Variants in LAMA3 observed in about 807,000 individuals in gnomAD.
LAMA3 encodes the protein laminin subunit alpha-3.
A neutral mutation model predicts 402.0 loss-of-function variants in LAMA3; 281 were observed. That is an observed-to-expected ratio of 0.70 (90% confidence interval 0.63 to 0.77). The LOEUF (loss-of-function observed/expected upper bound fraction) is 0.77, where lower values mean the gene tolerates loss of function less well. Ranked by LOEUF, LAMA3 falls within the 30% of genes least tolerant of loss-of-function variation. The pLI is 0.00. For missense variants in LAMA3, 3,840 were observed against 4,215.5 expected, an observed-to-expected ratio of 0.91 and a Z score of 2.47; for synonymous variants, 1,431 against 1,558.4, an observed-to-expected ratio of 0.92 and a Z score of 1.93.
At chr18:23,808,631 C>G (rs2063009705) in intron 12 of LAMA3, among the ~76,000 whole-genome samples, 1 of 152,212 alleles carries the variant, frequency 6.6e-6, no homozygotes, top group Admixed American at 6.5e-5. Context: ...GTCACATAGC[C>G]TGTTGAAACT....
At chr18:23,915,517 A>G (rs1356695725) in intron 59 of LAMA3, 95 bp downstream of exon 59, 18 of 1,231,562 alleles carry the variant, frequency 1.5e-5, no homozygotes, top group Non-Finnish European at 2.1e-5. Context: ...GTGAGATGCT[A>G]TTGATGTTGC....
chr18:23,901,620 A>G (rs2081073926), intron 48 of LAMA3, among the ~76,000 whole-genome samples: 1 of 152,222 alleles, frequency 6.6e-6, no homozygotes, highest in African/African-American at 2.4e-5. Context: ...TGAGAAATTA[A>G]TATTGCTATA....
chr18:23,746,591 A>G (rs1355507331), intron 2 of LAMA3, among the ~76,000 whole-genome samples: 7 of 152,176 alleles, frequency 4.6e-5, no homozygotes, highest in African/African-American at 1.7e-4. Flanking sequence ...CAAAAATTTC[A>G]TGTTTTAGAA....
intron 36 of LAMA3, among the ~76,000 whole-genome samples, chr18:23,865,877 C>G (rs8096915): frequency 0.089 from 13,608 of 152,216 alleles, 673 homozygotes; most frequent in East Asian, 0.2. Context: ...TCATTGAAAA[C>G]AAGTCTGGAA....
chr18:23,842,919 A>C (rs1430351972), intron 29 of LAMA3, among the ~76,000 whole-genome samples, 169 bp downstream of exon 29: 2 of 152,106 alleles, frequency 1.3e-5, no homozygotes, highest in African/African-American at 4.8e-5. Context: ...TAAATAAATA[A>C]AGCATGTGAC....
At position 23,899,286 on chromosome 18, in the gene LAMA3, A is replaced by G; in HGVS notation, c.5837-2A>G. 6.2e-7 allele frequency: 1 copy of G among 1,613,092 alleles called. No homozygotes were observed. Among genetic ancestry groups the G allele is most frequent in the Non-Finnish European group, 8.5e-7 (1 of 1,179,620 alleles). ...TCTAATAGACCACTTGATGTTTCCT[A>G]GTTCTTTTAAAGCAGATCTCTGGGA... On this transcript the variant is annotated splice_acceptor_variant, in intron 46 of 74. Transcript: ENST00000313654. LOFTEE classifies it high-confidence loss of function.
chr18:23,767,324 TTCTA>T (rs2062096156), intron 8 of LAMA3, among the ~76,000 whole-genome samples: 1 of 152,166 alleles, frequency 6.6e-6, no homozygotes, highest in South Asian at 2.1e-4. Flanking sequence ...TCAACGCTAT[TTCTA>T]TCTATGTCAT....
chr18:23,743,911 C>T (rs2061604950), intron 2 of LAMA3, among the ~76,000 whole-genome samples: 1 of 152,186 alleles, frequency 6.6e-6, no homozygotes, highest in Non-Finnish European at 1.5e-5. Context: ...TTTCTAGTCT[C>T]ACAGAGGGTC....
chr18:23,794,201 C>T (rs576931257), intron 12 of LAMA3, among the ~76,000 whole-genome samples: 1 of 152,328 alleles, frequency 6.6e-6, no homozygotes, highest in African/African-American at 2.4e-5. Flanking sequence ...ACTTGACCCT[C>T]TCTGGGGAGA....
At chr18:23,747,741 A>G (rs1408929453) in intron 2 of LAMA3, among the ~76,000 whole-genome samples, 1 of 152,190 alleles carries the variant, frequency 6.6e-6, no homozygotes. Context: ...AGAAAGAAAG[A>G]TAATGATTTT....
intron 1 of LAMA3, among the ~76,000 whole-genome samples, chr18:23,697,777 G>A (rs1267962325): frequency 1.4e-5 from 2 of 143,666 alleles, no homozygotes; most frequent in African/African-American, 2.6e-5. Flanking sequence ...TACTCAACCT[G>A]TGTCAGTTTG....
chr18:23,723,347 G>A (rs979628670), intron 2 of LAMA3, among the ~76,000 whole-genome samples: 3 of 152,178 alleles, frequency 2.0e-5, no homozygotes, highest in African/African-American at 7.2e-5. Flanking sequence ...TCCAATAAAA[G>A]GGGACTGACT....
chr18:23,820,511 A>G (rs1362817352), intron 19 of LAMA3, among the ~76,000 whole-genome samples: 3 of 152,056 alleles, frequency 2.0e-5, no homozygotes, highest in Non-Finnish European at 4.4e-5. Flanking sequence ...GTGCTATTTC[A>G]TTTTTCTTTT....
intron 9 of LAMA3, 102 bp from the exon 10 acceptor site, chr18:23,775,690 C>A (rs934610998): frequency 1.2e-5 from 16 of 1,343,300 alleles, no homozygotes; most frequent in Non-Finnish European, 1.7e-5. Context: ...TACCTATAGA[C>A]CAAGGATCAA....
Position 23,914,490 on chromosome 18 carries a change from A to G in LAMA3, c.7410A>G (p.Glu2470=). 6.2e-7 allele frequency: 1 copy of G among 1,614,068 alleles called. No individual in the cohort carries two copies. The highest frequency in any genetic ancestry group is 8.5e-7 in the Non-Finnish European group (1 of 1,180,002). Residue 2470 remains glutamate (E), a synonymous_variant, in exon 57 of 75, where the codon GAA becomes GAG. Coordinates refer to ENST00000313654, the MANE Select transcript of LAMA3 (RefSeq NM_198129.4). ...CVYNLGDREA[E]LQVDQILTKS... is the part of the protein sequence containing the mutation. ...ACAACCTGGGGGACCGTGAGGCTGA[A>G]CTCCAAGTGGACCAGATCTTGACCA...
intron 12 of LAMA3, among the ~76,000 whole-genome samples, chr18:23,792,450 A>G (rs1598803206): frequency 6.6e-6 from 1 of 152,142 alleles, no homozygotes; most frequent in Non-Finnish European, 1.5e-5. Context: ...CACTTTTATA[A>G]CAACCCACTC....
At chr18:23,894,401 A>G in intron 43 of LAMA3, 53 bp downstream of exon 43, 1 of 1,455,614 alleles carries the variant, frequency 6.9e-7, no homozygotes. Context: ...GTTTGGTTTA[A>G]GATATGTGAG....
In LAMA3 at chr18:23,954,471, T is replaced by C. The variant is rs748487561; in HGVS notation, c.9857-32T>C. ...AACAGTCCCTGGACAGTATGAATTA[T>C]TTACTGAATGCCTCTCCACTTTCTC... On this transcript the variant is annotated intron_variant, in intron 74 of 74. Transcript: ENST00000313654. 4.4e-6 allele frequency: 7 copies of C among 1,601,876 alleles called. No individual in the cohort carries two copies. In the East Asian group the frequency reaches 1.6e-4, roughly 36 times the overall value.
intron 23 of LAMA3, among the ~76,000 whole-genome samples, chr18:23,831,034 G>A (rs773421056): frequency 2.0e-4 from 30 of 151,950 alleles, no homozygotes; most frequent in Admixed American, 1.2e-3. Flanking sequence ...ATTCTTTCCC[G>A]CACCCAAACT....
Sources: allele counts gnomAD v4.1 joint callset (sites outside exome capture counted in the v4.1 genomes callset), GRCh38; gene constraint gnomAD v4.1.1; transcripts MANE v1.5; gene names NCBI Gene and HGNC (gene_info 2026-07-23, HGNC 2026-07-21).